UBXN7: variants seen among roughly 807,000 people sequenced by gnomAD.
UBXN7 encodes the protein UBX domain-containing protein 7.
A neutral mutation model predicts 58.0 loss-of-function variants in UBXN7; 9 were observed. The observed-to-expected ratio is 0.16, with a 90% CI of 0.09 to 0.27. The LOEUF (loss-of-function observed/expected upper bound fraction) is 0.27. Ranked by LOEUF, UBXN7 falls within the 10% of genes least tolerant of loss-of-function variation. UBXN7 has a pLI of 1.00. For missense variants in UBXN7, 328 were observed against 599.6 expected, an observed-to-expected ratio of 0.55 and a Z score of 4.73; for synonymous variants, 208 against 205.0, an observed-to-expected ratio of 1.01 and a Z score of -0.12.
chr3:196,423,036 G>A (rs375451718), intron 1 of UBXN7, among the ~76,000 whole-genome samples: 2 of 152,234 alleles, frequency 1.3e-5, no homozygotes, highest in African/African-American at 4.8e-5. Context: ...ATGACATTCT[G>A]GAAAACAGGA....
rs1189793150 is a variant in UBXN7 at position 196,371,867 on chromosome 3, CA to C, written c.615+28del. 64 of 1,597,912 alleles carry C rather than the reference CA, an allele frequency of 4.0e-5. No individual in the cohort carries two copies. The East Asian group carries it at 1.4e-3, about 35-fold the overall frequency. ...CCCACACTACAAAAGTAAAATTCTA[CA>C]AAACTTCTGATTAACTCTCCTTCTC... On this transcript the variant is annotated intron_variant, in intron 6 of 10. Coordinates refer to ENST00000296328, the MANE Select transcript of UBXN7 (RefSeq NM_015562.2).
intron 1 of UBXN7, among the ~76,000 whole-genome samples, chr3:196,427,531 T>C (rs1282257425): frequency 6.6e-6 from 1 of 152,228 alleles, no homozygotes; most frequent in Non-Finnish European, 1.5e-5. Flanking sequence ...TTGGCCAGAC[T>C]GGTCTGAAGC....
chr3:196,426,449 G>A (rs1212176534), intron 1 of UBXN7, among the ~76,000 whole-genome samples: 1 of 150,742 alleles, frequency 6.6e-6, no homozygotes, highest in Non-Finnish European at 1.5e-5. Context: ...TAAAATTCCT[G>A]AAGTTTTCTC....
rs1728286706 is a variant in UBXN7 at position 196,354,253 on chromosome 3, C to G, written c.*2432G>C. On this transcript the variant is annotated 3_prime_UTR_variant, in exon 11 of 11. Transcript: ENST00000296328. ...TGCTGTCTTTTAAATCACTTTATAT[C>G]TACTTAATCATCCCACAGTAACCCG... is the stretch of plus-strand genomic sequence containing the variant. 6.6e-6 allele frequency: 1 copy of G among 152,186 alleles called. No homozygotes were observed. The highest frequency in any genetic ancestry group is 2.4e-5 in the African/African-American group (1 of 41,436). The allele number at this position is 152,186 out of a possible 1,614,324, so 9.4% of individuals were successfully genotyped here.
chr3:196,359,514 C>A (rs1375315584), intron 10 of UBXN7, among the ~76,000 whole-genome samples: 2 of 152,188 alleles, frequency 1.3e-5, no homozygotes, highest in African/African-American at 4.8e-5. Context: ...AAAGCTGAGA[C>A]AGACACAAAG....
intron 1 of UBXN7, among the ~76,000 whole-genome samples, chr3:196,417,073 G>C (rs543548955): frequency 6.6e-6 from 1 of 152,314 alleles, no homozygotes; most frequent in African/African-American, 2.4e-5. Context: ...CAGAACTTTG[G>C]GGGGCCGAGG....
intron 5 of UBXN7, among the ~76,000 whole-genome samples, chr3:196,384,855 G>T (rs1729324176): frequency 6.6e-6 from 1 of 152,138 alleles, no homozygotes; most frequent in South Asian, 2.1e-4. Context: ...TACTGAATGG[G>T]CAAAAACTGG....
At position 196,354,023 on chromosome 3, in the gene UBXN7, G is replaced by A. The variant is rs904800493; in HGVS notation, c.*2662C>T. The A allele has an allele frequency of 2.0e-5, 3 of 152,180 alleles. No homozygotes were observed. Among genetic ancestry groups the A allele is most frequent in the African/African-American group, 7.2e-5 (3 of 41,436 alleles). 9.4% of individuals were successfully genotyped at this position (152,180 alleles called of 1,614,324 possible). ...GCAGAGGAAGTAAGGCAAACTGGAA[G>A]AAGCATACTGTCAGCGGATTAAATT... On this transcript the variant is annotated 3_prime_UTR_variant, in exon 11 of 11. Transcript: ENST00000296328.
intron 8 of UBXN7, among the ~76,000 whole-genome samples, chr3:196,364,076 C>T (rs1409393259): frequency 1.3e-5 from 2 of 152,178 alleles, no homozygotes; most frequent in Non-Finnish European, 1.5e-5. Context: ...TTGTTCACCA[C>T]TGCATTCTTC....
At chr3:196,432,133 C>T in intron 1 of UBXN7, 194 bp downstream of exon 1, 1 of 743,708 alleles carries the variant, frequency 1.3e-6, no homozygotes, top group Non-Finnish European at 2.3e-6. Flanking sequence ...ACGAGGGTAT[C>T]GGGAGCGGGG....
In UBXN7 at chr3:196,382,559, G is replaced by A. The variant is rs546515574; in HGVS notation, c.468+9254C>T. 7.9e-5 allele frequency among the ~76,000 whole-genome samples: 12 copies of A among 152,316 alleles called. No individual in the cohort carries two copies. In the South Asian group the frequency reaches 2.5e-3, roughly 32 times the overall value. Reference sequence around the variant, plus strand: ...ATGCCAAATTGTAAAGACCATTGATGCTAGGAAGAAACTGCATCAACTAAT... The same window carrying A: ...ATGCCAAATTGTAAAGACCATTGATACTAGGAAGAAACTGCATCAACTAAT... On this transcript the variant is annotated intron_variant, in intron 5 of 10. Transcript: ENST00000296328.
chr3:196,373,043 G>A (rs1301736379), intron 5 of UBXN7, among the ~76,000 whole-genome samples: 3 of 152,098 alleles, frequency 2.0e-5, no homozygotes, highest in Non-Finnish European at 4.4e-5. Context: ...GAGCCACCGC[G>A]CCCAGCCAAT....
At chr3:196,411,402 T>C (rs1730321229) in intron 1 of UBXN7, among the ~76,000 whole-genome samples, 1 of 152,126 alleles carries the variant, frequency 6.6e-6, no homozygotes, top group African/African-American at 2.4e-5. Context: ...TACTTATGTT[T>C]TAAAATTAAT....
At chr3:196,376,766 C>T (rs1034935151) in intron 5 of UBXN7, among the ~76,000 whole-genome samples, 1 of 151,566 alleles carries the variant, frequency 6.6e-6, no homozygotes, top group African/African-American at 2.4e-5. Flanking sequence ...GAAATATTGG[C>T]CGGGTCCAGT....
At chr3:196,414,141 T>C (rs1730413444) in intron 1 of UBXN7, among the ~76,000 whole-genome samples, 1 of 152,074 alleles carries the variant, frequency 6.6e-6, no homozygotes, top group Non-Finnish European at 1.5e-5. Context: ...GCCACCACCA[T>C]ACCTGGCTAA....
chr3:196,367,939 C>A (rs1728715289), intron 8 of UBXN7, 89 bp downstream of exon 8: 2 of 1,520,608 alleles, frequency 1.3e-6, no homozygotes, highest in Non-Finnish European at 1.8e-6. Flanking sequence ...GTTAGATTAT[C>A]TTTACCATCT....
chr3:196,401,862 A>AAGAGAAGAGAAGAGAAGAG (rs1560235914), intron 3 of UBXN7, among the ~76,000 whole-genome samples: 1 of 58,708 alleles, frequency 1.7e-5, no homozygotes, highest in East Asian at 4.1e-3. Context: ...GAAGAGAAGA[A>AAGAGAAGAGAAGAGAAGAG]AAACTACCTA....
chr3:196,388,570 T>C (rs1421351036), intron 5 of UBXN7, among the ~76,000 whole-genome samples: 3 of 151,980 alleles, frequency 2.0e-5, no homozygotes, highest in Admixed American at 6.6e-5. Flanking sequence ...TAAATATGTA[T>C]TGAGTGAACA....
At chr3:196,387,641 C>T (rs1474922304) in intron 5 of UBXN7, among the ~76,000 whole-genome samples, 2 of 152,202 alleles carry the variant, frequency 1.3e-5, no homozygotes, top group African/African-American at 2.4e-5. Flanking sequence ...TATGAACAGA[C>T]ACTTCTCAAA....
Sources: gnomAD v4.1 joint callset for allele counts (sites outside exome capture counted in the v4.1 genomes callset) on GRCh38, gnomAD v4.1.1 for gene constraint, MANE v1.5 for transcripts, NCBI Gene and HGNC (gene_info 2026-07-23, HGNC 2026-07-21) for gene names.